The following DMTF1 variants were observed in gnomAD, a reference collection of about 807,000 sequenced individuals.
The protein encoded by DMTF1 is cyclin D binding myb like transcription factor 1.
DMTF1 carries 39 observed loss-of-function variants against 91.1 expected under a neutral mutation model. The observed-to-expected ratio is 0.43, with a 90% CI of 0.33 to 0.56. The LOEUF is 0.56. Ranked by LOEUF, DMTF1 falls within the 20% of genes least tolerant of loss-of-function variation. DMTF1 has a pLI of 0.05. For missense variants in DMTF1, 750 were observed against 914.5 expected, an observed-to-expected ratio of 0.82 and a Z score of 2.32; for synonymous variants, 338 against 309.5, an observed-to-expected ratio of 1.09 and a Z score of -0.97.
intron 7 of DMTF1, among the ~76,000 whole-genome samples, chr7:87,174,876 C>G (rs1340235779): frequency 6.6e-6 from 1 of 152,148 alleles, no homozygotes; most frequent in African/African-American, 2.4e-5. Context: ...AATAGCTTTA[C>G]TGCTTTAGTT....
intron 1 of DMTF1, 149 bp downstream of exon 1, chr7:87,152,704 C>T (rs553140786): frequency 1.0e-4 from 16 of 153,768 alleles, no homozygotes; most frequent in African/African-American, 3.4e-4. Context: ...GGAGCCTGGC[C>T]TTCCTGACGT....
At chr7:87,181,946 G>T in intron 9 of DMTF1, 1 of 1,244,028 alleles carries the variant, frequency 8.0e-7, no homozygotes. Context: ...GGGAGATTGT[G>T]TCAGTAACCT....
At chr7:87,187,874 A>G (rs1352139084) in intron 12 of DMTF1, 5 of 549,522 alleles carry the variant, frequency 9.1e-6, no homozygotes, top group East Asian at 9.0e-5. Flanking sequence ...TTAGATGGCA[A>G]GAATAACAAT....
At chr7:87,159,886 A>C (rs530835199) in intron 1 of DMTF1, among the ~76,000 whole-genome samples, 1 of 152,364 alleles carries the variant, frequency 6.6e-6, no homozygotes, top group Non-Finnish European at 1.5e-5. Context: ...ATAGTGGTAT[A>C]ATCTTTCAGG....
At chr7:87,164,606 A>G (rs1233224613) in intron 2 of DMTF1, among the ~76,000 whole-genome samples, 2 of 152,272 alleles carry the variant, frequency 1.3e-5, no homozygotes, top group African/African-American at 4.8e-5. Flanking sequence ...CCATAAAAAC[A>G]CAGTAAAAAA....
intron 12 of DMTF1, chr7:87,187,831 T>C: frequency 4.3e-6 from 2 of 467,076 alleles, no homozygotes; most frequent in African/African-American, 3.9e-5. Flanking sequence ...CCATGTTCTT[T>C]GTAATGTCTA....
intron 16 of DMTF1, 22 bp from the exon 17 acceptor site, chr7:87,194,662 T>C: frequency 8.3e-7 from 1 of 1,200,544 alleles, no homozygotes; most frequent in East Asian, 2.8e-5. Flanking sequence ...TGAGTCAATA[T>C]TTTTTTTTTA....
intron 1 of DMTF1, among the ~76,000 whole-genome samples, chr7:87,160,360 C>T (rs1333578490): frequency 2.0e-5 from 3 of 151,616 alleles, no homozygotes; most frequent in Non-Finnish European, 2.9e-5. Flanking sequence ...CTGCAACTTC[C>T]GCCTCCTGGG....
At chr7:87,173,485 AT>A in intron 5 of DMTF1, 49 bp from the exon 6 acceptor site, 4 of 1,248,342 alleles carry the variant, frequency 3.2e-6, no homozygotes, top group Non-Finnish European at 4.6e-6. Context: ...TCAAGCTGCC[AT>A]TTTTTTGTTT....
At chr7:87,173,161 G>T (rs946410703) in intron 5 of DMTF1, among the ~76,000 whole-genome samples, 1 of 151,994 alleles carries the variant, frequency 6.6e-6, no homozygotes, top group Admixed American at 6.6e-5. Flanking sequence ...ACTGTATATT[G>T]TATATTGAGC....
At position 87,193,954 on chromosome 7, in the gene DMTF1, T is replaced by G. The variant is rs1275939045; in HGVS notation, c.1880T>G (p.Phe627Cys). Residue 627 changes from phenylalanine (F) to cysteine (C), a missense_variant, in exon 16 of 18, where the codon TTT (phenylalanine) becomes TGT (cysteine). Phe to Cys is a radical substitution (Grantham distance 205). Around this residue, in one of 3 missense-constraint regions of DMTF1, gnomAD observed 410 missense variants for 420.2 expected, o/e 0.98. Transcript: ENST00000331242. ...CCTAAGATGACTGTGGAGCCATCAT[T>G]TAATGATGCTCATGTATCCAAATTC... ...HHPKMTVEPSFNDAHVSKFSD... is the reference protein window; with the variant it reads ...HHPKMTVEPSCNDAHVSKFSD... 1.9e-6 allele frequency: 3 copies of G among 1,613,412 alleles called. No homozygotes were observed. Among genetic ancestry groups the G allele is most frequent in the Non-Finnish European group, 2.5e-6 (3 of 1,179,620 alleles).
chr7:87,178,897 A>G (rs1796796211), intron 7 of DMTF1, among the ~76,000 whole-genome samples: 1 of 151,772 alleles, frequency 6.6e-6, no homozygotes. Flanking sequence ...AGATTATTTA[A>G]TAACTGATTC....
intron 13 of DMTF1, 101 bp downstream of exon 13, chr7:87,188,402 C>A: frequency 1.6e-6 from 2 of 1,260,722 alleles, no homozygotes; most frequent in South Asian, 2.6e-5. Flanking sequence ...AGAAATTTAC[C>A]CAAGTCGGTG....
chr7:87,155,477 A>G (rs1790440723), intron 1 of DMTF1: 1 of 152,204 alleles, frequency 6.6e-6, no homozygotes, highest in Admixed American at 6.5e-5. Flanking sequence ...TCCAAATGAT[A>G]CAAGAAGACC....
intron 2 of DMTF1, 114 bp from the exon 3 acceptor site, chr7:87,164,820 C>T (rs182137703): frequency 2.1e-5 from 10 of 484,886 alleles, no homozygotes; most frequent in Admixed American, 1.3e-4. Flanking sequence ...ACATGAAGAA[C>T]ACTGTAGGCA....
At chr7:87,181,174 A>G in intron 8 of DMTF1, 135 bp from the exon 9 acceptor site, 1 of 524,436 alleles carries the variant, frequency 1.9e-6, no homozygotes, top group Non-Finnish European at 3.6e-6. Flanking sequence ...AATCCACTTT[A>G]AAATGGGTTA....
chr7:87,177,352 A>T (rs937217427), intron 7 of DMTF1, among the ~76,000 whole-genome samples: 2 of 151,882 alleles, frequency 1.3e-5, no homozygotes, highest in African/African-American at 4.8e-5. Context: ...TTATGGTTTT[A>T]ATTTATTTCT....
Position 87,193,295 on chromosome 7 carries a change from T to G in DMTF1, c.1592T>G (p.Val531Gly). Residue 531 changes from valine (V) to glycine (G), a missense_variant, in exon 15 of 18, where the codon GTA (valine) becomes GGA (glycine). Transcript: ENST00000331242. ...LPLTLTASPT[V>G]TLTAAAPASP... is the part of the protein sequence containing the mutation. ...CTAACTCTGACTGCTAGTCCCACAG[T>G]AACCCTGACAGCTGCTGCTCCTGCT... 3.1e-6 allele frequency: 5 copies of G among 1,613,484 alleles called. No homozygotes were observed. Among genetic ancestry groups the G allele is most frequent in the Non-Finnish European group, 4.2e-6 (5 of 1,179,584 alleles).
In DMTF1 at chr7:87,188,582, G is replaced by C. The variant is rs77134244; in HGVS notation, c.1411+281G>C. Among the ~76,000 whole-genome samples, 905 of 152,212 alleles carry C rather than the reference G, an allele frequency of 5.9e-3. 8 individuals carry two copies. Among genetic ancestry groups the C allele is most frequent in the African/African-American group, 0.021 (863 of 41,548 alleles). On this transcript the variant is annotated intron_variant, in intron 13 of 17. Coordinates refer to ENST00000331242, the MANE Select transcript of DMTF1 (RefSeq NM_001142327.2). Reference sequence around the variant, plus strand: ...GACTTAATAGAAATTATTAAAAATAGAAATTAGAATGAATGATAGAAAACT... The same window carrying C: ...GACTTAATAGAAATTATTAAAAATACAAATTAGAATGAATGATAGAAAACT...
Sources: allele counts gnomAD v4.1 joint callset (sites outside exome capture counted in the v4.1 genomes callset), GRCh38; gene constraint gnomAD v4.1.1; regional missense constraint gnomAD v4.1.1; transcripts MANE v1.5; gene names NCBI Gene and HGNC (gene_info 2026-07-23, HGNC 2026-07-21).